The following ZHX1 variants were observed in gnomAD, a reference collection of about 807,000 sequenced individuals.
ZHX1 encodes the protein zinc fingers and homeoboxes 1.
ZHX1 carries 20 observed loss-of-function variants against 61.8 expected under a neutral mutation model. That is an observed-to-expected ratio of 0.32 (90% CI 0.23 to 0.47). The LOEUF (loss-of-function observed/expected upper bound fraction) is 0.47. ZHX1 is among the 20% of genes least tolerant of loss of function. The pLI is 1.00. For synonymous variants in ZHX1, 318 were observed against 352.6 expected, an observed-to-expected ratio of 0.90 and a Z score of 1.10; for missense variants, 800 against 1,034.8, an observed-to-expected ratio of 0.77 and a Z score of 3.11.
chr8:123,266,623 AAT>A (rs570047538), intron 2 of ZHX1, among the ~76,000 whole-genome samples: 73 of 152,180 alleles, frequency 4.8e-4, no homozygotes, highest in Non-Finnish European at 9.3e-4. Context: ...AATACATTCA[AAT>A]ATATATATAT....
Position 123,253,525 on chromosome 8 carries a change from G to T in ZHX1, c.2422C>A (p.His808Asn). The T allele has an allele frequency of 6.2e-7, 1 of 1,614,134 alleles. No homozygotes were observed. Among genetic ancestry groups the T allele is most frequent in the Non-Finnish European group, 8.5e-7 (1 of 1,180,016 alleles). Reference protein sequence around the residue: ...QDLDELVNKSHMGYEQVREWF... With the variant: ...QDLDELVNKSNMGYEQVREWF... ...TCTCTGACCTGCTCATAGCCCATATGTGATTTGTTAACAAGTTCATCAAGG... is the reference window on the plus strand; with the variant it reads ...TCTCTGACCTGCTCATAGCCCATATTTGATTTGTTAACAAGTTCATCAAGG... Residue 808 changes from histidine (H) to asparagine (N), a missense_variant, in exon 3 of 4, where the codon CAT becomes AAT. Physicochemically the swap from His to Asn is moderately conservative, Grantham distance 68. Transcript: ENST00000395571.
chr8:123,250,270 A>T lies in ZHX1; in HGVS notation c.*54T>A. ...TCAAAGATTGGGCAAATTCACAGTAAATCAGACATCTTGAGTTGAAGAATT... is the reference window on the plus strand; with the variant it reads ...TCAAAGATTGGGCAAATTCACAGTATATCAGACATCTTGAGTTGAAGAATT... On this transcript the variant is annotated 3_prime_UTR_variant, in exon 4 of 4. Transcript: ENST00000395571. The T allele has an allele frequency of 2.2e-6, 1 of 449,484 alleles. No homozygotes were observed. Among genetic ancestry groups the T allele is most frequent in the Non-Finnish European group, 4.5e-6 (1 of 223,578 alleles). 27.8% of individuals were successfully genotyped at this position (449,484 alleles called of 1,614,324 possible).
chr8:123,268,001 C>CTAAA (rs927517767), intron 1 of ZHX1, among the ~76,000 whole-genome samples: 7,861 of 151,596 alleles, frequency 0.052, 648 homozygotes, highest in African/African-American at 0.18. Context: ...AACTCTGACT[C>CTAAA]TAAATAAATA....
chr8:123,269,714 A>C (rs1161592218), intron 1 of ZHX1, among the ~76,000 whole-genome samples: 1 of 152,250 alleles, frequency 6.6e-6, no homozygotes, highest in Non-Finnish European at 1.5e-5. Context: ...TTTACTTAAT[A>C]GGGTTGTTGT....
At chr8:123,274,494 GC>G (rs1418525665), upstream of ZHX1, 17 of 149,338 alleles carry the variant, frequency 1.1e-4, no homozygotes, top group African/African-American at 4.0e-4. Context: ...CGTCCTCCGC[GC>G]GCCCCCACCC....
chr8:123,253,037 T>C (rs1825960915), intron 3 of ZHX1: 1 of 282,902 alleles, frequency 3.5e-6, no homozygotes, highest in South Asian at 1.5e-4. Flanking sequence ...TGCCTGCCAG[T>C]CTCCCTTCAT....
intron 2 of ZHX1, among the ~76,000 whole-genome samples, chr8:123,260,597 CA>C (rs60278061): frequency 3.0e-5 from 4 of 133,016 alleles, no homozygotes; most frequent in Admixed American, 7.7e-5. Context: ...CACTCCATCT[CA>C]AAAAAAAAAC....
At chr8:123,267,132 A>T in intron 2 of ZHX1, 141 bp downstream of exon 2, 1 of 597,760 alleles carries the variant, frequency 1.7e-6, no homozygotes, top group Non-Finnish European at 2.7e-6. Context: ...TTGAAAGTAT[A>T]TTAAAAAAAA....
chr8:123,267,160 G>C, intron 2 of ZHX1, 113 bp downstream of exon 2: 2 of 944,086 alleles, frequency 2.1e-6, no homozygotes, highest in African/African-American at 1.6e-5. Context: ...GCATATGTCT[G>C]CTGCTTTTTA....
At position 123,255,832 on chromosome 8, in the gene ZHX1, C is replaced by G; in HGVS notation, c.115G>C (p.Glu39Gln). 1 of 1,614,146 alleles carries G rather than the reference C, an allele frequency of 6.2e-7. No individual in the cohort carries two copies. Among genetic ancestry groups the G allele is most frequent in the South Asian group, 1.1e-5 (1 of 91,080 alleles). Residue 39 changes from glutamate (E) to glutamine (Q), a missense_variant, in exon 3 of 4, where the codon GAA becomes CAA. Transcript: ENST00000395571. ...GAGATACTCTCTGCTCTGGTGTTTT[C>G]TACAGGTGTAAGCACAGGAGGACCT... ...DEGPPVLTPV[E>Q]NTRAESISSD... is the part of the protein sequence containing the mutation.
At chr8:123,267,161 C>A in intron 2 of ZHX1, 112 bp downstream of exon 2, 1 of 962,792 alleles carries the variant, frequency 1.0e-6, no homozygotes, top group Non-Finnish European at 1.5e-6. Flanking sequence ...CATATGTCTG[C>A]TGCTTTTTAA....
rs756829553 is a variant in ZHX1 at position 123,255,770 on chromosome 8, G to C, written c.177C>G (p.Asp59Glu). 19 of 1,613,838 alleles carry C rather than the reference G, an allele frequency of 1.2e-5. No individual in the cohort carries two copies. Among genetic ancestry groups the C allele is most frequent in the Non-Finnish European group, 1.6e-5 (19 of 1,180,012 alleles). ...CTTCAACTTTTTTATTTTGCTGATT[G>C]TCTGAATCCACAGATTCATGAACCT... ...DEEVHESVDS[D>E]NQQNKKVEGG... The change falls in exon 3 of 4, where the codon GAC (aspartate) becomes GAG (glutamate). Residue 59 changes from aspartate (D) to glutamate (E), a missense_variant. By Grantham distance (45) the Asp-to-Glu change is conservative. Coordinates refer to ENST00000395571, the MANE Select transcript of ZHX1 (RefSeq NM_007222.5).
Position 123,254,786 on chromosome 8 carries a change from T to C in ZHX1, c.1161A>G (p.Thr387=), listed in dbSNP as rs780942767. The C allele has an allele frequency of 6.2e-7, 1 of 1,614,234 alleles. No individual in the cohort carries two copies. The highest frequency in any genetic ancestry group is 2.2e-5 in the East Asian group (1 of 44,890). Reference sequence around the variant, plus strand: ...GACCAGGCTGACCAACTATTTGGCATGTCTGTAAAATAGATGGTAAACCAT... The same window carrying C: ...GACCAGGCTGACCAACTATTTGGCACGTCTGTAAAATAGATGGTAAACCAT... ...GSNGLPSILQ[T]CQIVGQPGLV... Residue 387 remains threonine, a synonymous_variant, in exon 3 of 4, where the codon ACA becomes ACG. Coordinates refer to ENST00000395571, the MANE Select transcript of ZHX1 (RefSeq NM_007222.5). This position sits in a 1 kb window ranked among gnomAD's most constrained non-coding sequence, Gnocchi z 4.1.
chr8:123,265,253 T>C (rs1034475829), intron 2 of ZHX1, among the ~76,000 whole-genome samples: 6 of 151,384 alleles, frequency 4.0e-5, no homozygotes, highest in Non-Finnish European at 7.4e-5. Flanking sequence ...TTAATTTTGA[T>C]GTAGCATCAA....
chr8:123,267,135 A>T (rs993477638), intron 2 of ZHX1, 138 bp downstream of exon 2: 3 of 597,676 alleles, frequency 5.0e-6, no homozygotes, highest in East Asian at 3.1e-5. Context: ...AAAGTATATT[A>T]AAAAAAAGTG....
rs1314462447 is a variant in ZHX1, at chr8:123,256,065, C to A, written c.-119G>T. The A allele has an allele frequency of 1.1e-5, 10 of 884,194 alleles. No individual in the cohort carries two copies. Among genetic ancestry groups the A allele is most frequent in the East Asian group, 5.2e-5 (2 of 38,386 alleles). 54.8% of individuals were successfully genotyped at this position (884,194 alleles called of 1,614,324 possible). ...TCTTCAAGTCCATTTTTGTGCTCAA[C>A]AAGTCTCATTAGCAGCTTTCTCATG... On this transcript the variant is annotated 5_prime_UTR_variant, in exon 3 of 4. Transcript: ENST00000395571.
In ZHX1 at chr8:123,253,847, A is replaced by G; in HGVS notation, c.2100T>C (p.Ala700=). The G allele has an allele frequency of 6.2e-7, 1 of 1,614,206 alleles. No individual in the cohort carries two copies. Among genetic ancestry groups the G allele is most frequent in the Non-Finnish European group, 8.5e-7 (1 of 1,180,034 alleles). ...CAAACCAACTAACTATGTCTGTTCT[A>G]GCAAGCCCGCTTTCTTTGGCCAACT... is the stretch of plus-strand genomic sequence containing the variant. ...YDKLAKESGL[A]RTDIVSWFGD... Residue 700 remains alanine (A), a synonymous_variant, in exon 3 of 4, where the codon GCT becomes GCC. Coordinates refer to ENST00000395571, the MANE Select transcript of ZHX1 (RefSeq NM_007222.5).
chr8:123,259,338 A>C (rs1316333821), intron 2 of ZHX1, among the ~76,000 whole-genome samples: 2 of 152,154 alleles, frequency 1.3e-5, no homozygotes, highest in Non-Finnish European at 2.9e-5. Context: ...TCTTAACCAA[A>C]TGTTATAAAC....
intron 3 of ZHX1, 79 bp downstream of exon 3, chr8:123,253,243 G>T: frequency 8.3e-7 from 1 of 1,208,426 alleles, no homozygotes; most frequent in Non-Finnish European, 1.1e-6. Flanking sequence ...AAATGAAGAT[G>T]ACTGATACAA....
Sources: allele counts gnomAD v4.1 joint callset (sites outside exome capture counted in the v4.1 genomes callset), GRCh38; gene constraint gnomAD v4.1.1; non-coding constraint Gnocchi (gnomAD v3.1); transcripts MANE v1.5; gene names NCBI Gene and HGNC (gene_info 2026-07-23, HGNC 2026-07-21).